IFRD1: variants seen among roughly 807,000 people sequenced by gnomAD.
The protein encoded by IFRD1 is interferon-related developmental regulator 1.
IFRD1 carries 35 observed loss-of-function variants against 52.9 expected under a neutral mutation model. The observed-to-expected ratio is 0.66, with a 90% CI of 0.51 to 0.88. The LOEUF is 0.88. Ranked by LOEUF, IFRD1 falls within the 40% of genes least tolerant of loss-of-function variation. The probability of loss-of-function intolerance (pLI) is 0.00; values close to 1 mark genes in which losing one functional copy is unlikely to be tolerated. For missense variants in IFRD1, 517 were observed against 550.8 expected (o/e 0.94, Z 0.61); for synonymous variants, 184 against 188.4 (o/e 0.98, Z 0.19).
At chr7:112,451,046 G>A (rs1795149544) in intron 1 of IFRD1, 1 of 498,170 alleles carries the variant, frequency 2.0e-6, no homozygotes, top group African/African-American at 2.0e-5. Context: ...GAGTGTGTCG[G>A]GACAGGGGCT....
At chr7:112,473,336 A>T (rs141227263) in intron 11 of IFRD1, among the ~76,000 whole-genome samples, 1 of 152,272 alleles carries the variant, frequency 6.6e-6, no homozygotes, top group African/African-American at 2.4e-5. Flanking sequence ...TGTATCAGAT[A>T]ATAGCCTGCT....
In IFRD1 at chr7:112,468,063, T is replaced by G. The variant is rs769607345; in HGVS notation, c.989T>G (p.Val330Gly). Residue 330 changes from valine (V) to glycine (G), a missense_variant, in exon 9 of 12, where the codon GTG becomes GGG. Physicochemically the swap from Val to Gly is moderately radical, Grantham distance 109 (BLOSUM62 -3). Transcript: ENST00000403825. ...GATGGAAATAAACACCGGGCCAAAG[T>G]GGACAAGAGAAAGCAGCGGTCAGTT... ...ATDGNKHRAK[V>G]DKRKQRSVFR... The G allele has an allele frequency of 1.9e-6, 3 of 1,614,088 alleles. No homozygotes were observed. Among genetic ancestry groups the G allele is most frequent in the Non-Finnish European group, 2.5e-6 (3 of 1,179,988 alleles).
chr7:112,461,501 C>G (rs1241108606), intron 5 of IFRD1: 1 of 164,246 alleles, frequency 6.1e-6, no homozygotes, highest in Non-Finnish European at 1.3e-5. Context: ...GCTTTACTGA[C>G]ATAGACTCAT....
At chr7:112,473,752 A>ATT (rs200183430) in intron 11 of IFRD1, among the ~76,000 whole-genome samples, 1 of 151,220 alleles carries the variant, frequency 6.6e-6, no homozygotes, top group Non-Finnish European at 1.5e-5. Context: ...TAATTTATGT[A>ATT]TTTTTTTTTG....
chr7:112,451,662 A>G (rs899556155), intron 1 of IFRD1, among the ~76,000 whole-genome samples: 10 of 152,152 alleles, frequency 6.6e-5, no homozygotes, highest in African/African-American at 1.9e-4. Flanking sequence ...TCTACTTATT[A>G]TATGGTTAAG....
At chr7:112,448,720 T>C (rs1795084705), upstream of IFRD1, among the ~76,000 whole-genome samples, 1 of 152,224 alleles carries the variant, frequency 6.6e-6, no homozygotes, top group Non-Finnish European at 1.5e-5. Context: ...GGGGAGGTAA[T>C]AAGTGCCATT....
intron 8 of IFRD1, among the ~76,000 whole-genome samples, chr7:112,465,169 AT>A (rs1156364948): frequency 6.6e-6 from 1 of 152,138 alleles, no homozygotes; most frequent in East Asian, 1.9e-4. Context: ...AAGTGTTGGG[AT>A]TATAGATACA....
In IFRD1 at chr7:112,442,877, G is replaced by A. The variant is rs892188460; in HGVS notation, c.-181-7631G>A. On this transcript the variant is annotated intron_variant, in intron 1 of 12. Coordinates refer to the IFRD1 transcript ENST00000005558. ...CTGTTGGAATGAGCTTCCCTGAAGA[G>A]TTGTGTGAGTTCTAGCACTGTCAGA... 6.6e-5 allele frequency among the ~76,000 whole-genome samples: 10 copies of A among 152,348 alleles called. No individual in the cohort carries two copies. The East Asian group carries it at 1.9e-3, about 29-fold the overall frequency.
chr7:112,451,252 C>G (rs1197548404), intron 1 of IFRD1: 1 of 169,478 alleles, frequency 5.9e-6, no homozygotes, highest in Non-Finnish European at 1.3e-5. Flanking sequence ...CGGGCTCTTG[C>G]GTCACGCGGC....
intron 9 of IFRD1, among the ~76,000 whole-genome samples, chr7:112,471,157 T>G (rs1795735494): frequency 6.6e-6 from 1 of 152,196 alleles, no homozygotes; most frequent in Non-Finnish European, 1.5e-5. Flanking sequence ...TATTTATTTT[T>G]GAGCTGCTGT....
chr7:112,466,518 C>T (rs1030928424), intron 8 of IFRD1, among the ~76,000 whole-genome samples: 1 of 152,072 alleles, frequency 6.6e-6, no homozygotes, highest in African/African-American at 2.4e-5. Context: ...TTGGCTTCTC[C>T]CCACTAGGTG....
intron 11 of IFRD1, among the ~76,000 whole-genome samples, chr7:112,474,854 T>A (rs1385663715): frequency 6.6e-6 from 1 of 150,660 alleles, no homozygotes; most frequent in Non-Finnish European, 1.5e-5. Flanking sequence ...GATGAAACAA[T>A]GTTGATGTCC....
intron 4 of IFRD1, chr7:112,457,914 A>G (rs1443564827): frequency 2.0e-5 from 3 of 152,190 alleles, no homozygotes; most frequent in Non-Finnish European, 2.9e-5. Flanking sequence ...ACCTGAGAGT[A>G]AAAATTTTGT....
intron 11 of IFRD1, among the ~76,000 whole-genome samples, chr7:112,473,931 C>T (rs75933388): frequency 0.017 from 2,658 of 152,250 alleles, 74 homozygotes; most frequent in African/African-American, 0.061. Context: ...CACTGGCAAC[C>T]GCTAATCTGC....
At chr7:112,445,511 G>A (rs550053936), upstream of IFRD1, among the ~76,000 whole-genome samples, 1 of 152,342 alleles carries the variant, frequency 6.6e-6, no homozygotes, top group African/African-American at 2.4e-5. Context: ...AATTACATGA[G>A]AGGTGTGAAA....
intron 1 of IFRD1, among the ~76,000 whole-genome samples, chr7:112,444,322 C>T (rs1400601812): frequency 2.6e-5 from 4 of 152,156 alleles, no homozygotes; most frequent in Non-Finnish European, 4.4e-5. Context: ...AAAGAAGTAT[C>T]TTCTACACAA....
intron 1 of IFRD1, among the ~76,000 whole-genome samples, chr7:112,438,909 G>A (rs545913089): frequency 1.3e-5 from 2 of 152,180 alleles, no homozygotes; most frequent in East Asian, 1.9e-4. Flanking sequence ...CTGGGATACC[G>A]TTGACAGAAA....
At chr7:112,455,540 G>A (rs1461436795) in intron 1 of IFRD1, among the ~76,000 whole-genome samples, 1 of 152,136 alleles carries the variant, frequency 6.6e-6, no homozygotes, top group Admixed American at 6.5e-5. Flanking sequence ...TTAGAGGACT[G>A]ATGCGTATAG....
intron 1 of IFRD1, among the ~76,000 whole-genome samples, chr7:112,445,124 T>C (rs1232905800): frequency 6.9e-6 from 1 of 145,040 alleles, no homozygotes; most frequent in Non-Finnish European, 1.5e-5. Flanking sequence ...TGGAGTGCAG[T>C]GGCGCAATCT....
Sources: gnomAD v4.1 joint callset for allele counts (sites outside exome capture counted in the v4.1 genomes callset) on GRCh38, gnomAD v4.1.1 for gene constraint, MANE v1.5 for transcripts, NCBI Gene and HGNC (gene_info 2026-07-23, HGNC 2026-07-21) for gene names.